CACNA1C: variants seen among roughly 807,000 people sequenced by gnomAD.
The protein encoded by CACNA1C is voltage-dependent L-type calcium channel subunit alpha-1C.
Under a neutral mutation model 229.0 loss-of-function variants are expected in CACNA1C, and 30 were observed. The observed-to-expected ratio is 0.13, with a 90% confidence interval of 0.10 to 0.18. The LOEUF (loss-of-function observed/expected upper bound fraction) is 0.18. Among genes scored for constraint, CACNA1C ranks in the 10% least tolerant of loss-of-function variants. The pLI is 1.00. For missense variants in CACNA1C, 1,658 were observed against 2,845.0 expected (o/e 0.58, Z 9.49); for synonymous variants, 1,114 against 1,132.5 (o/e 0.98, Z 0.33).
In CACNA1C at chr12:2,504,754, G is replaced by A. The variant is rs1037718283; in HGVS notation, c.1114-88G>A. ...GAGGGTCCCCGGATCCTGGCGCTGC[G>A]TGGGTCAGTGTCTCGGGAGCCGGGG... is the stretch of plus-strand genomic sequence containing the variant. On this transcript the variant is annotated intron_variant, in intron 7 of 46. Transcript: ENST00000399655. This position sits in a 1 kb window ranked among gnomAD's most constrained non-coding sequence, Gnocchi z 6.8. 2.7e-5 allele frequency: 23 copies of A among 853,780 alleles called. No homozygotes were observed. The highest frequency in any genetic ancestry group is 2.8e-4 in the Middle Eastern group (1 of 3,634). The allele number at this position is 853,780 out of a possible 1,614,324, so 52.9% of individuals were successfully genotyped here.
intron 38 of CACNA1C, among the ~76,000 whole-genome samples, chr12:2,671,459 A>G (rs1569173884): frequency 1.3e-5 from 2 of 152,158 alleles, no homozygotes; most frequent in Non-Finnish European, 2.9e-5. Flanking sequence ...TACTTTCCAA[A>G]TGTTCTGCAA....
intron 1 of CACNA1C, among the ~76,000 whole-genome samples, chr12:2,025,351 A>G (rs2047136646): frequency 6.6e-6 from 1 of 152,106 alleles, no homozygotes; most frequent in African/African-American, 2.4e-5. Flanking sequence ...GCCCCCTGCC[A>G]TGGTTGACAT....
intron 1 of CACNA1C, among the ~76,000 whole-genome samples, chr12:1,983,415 C>T (rs1472283023): frequency 6.6e-6 from 1 of 151,962 alleles, no homozygotes; most frequent in Admixed American, 6.5e-5. Context: ...TTGGTTGCAA[C>T]TGAAATATTA....
chr12:2,110,266 G>A (rs1031572452), intron 1 of CACNA1C, among the ~76,000 whole-genome samples: 1 of 152,216 alleles, frequency 6.6e-6, no homozygotes, highest in Admixed American at 6.5e-5. Flanking sequence ...GCAGGAGGAG[G>A]ACGCAGATGC....
intron 3 of CACNA1C, among the ~76,000 whole-genome samples, chr12:2,205,410 A>G (rs1206122352): frequency 6.6e-6 from 1 of 152,178 alleles, no homozygotes; most frequent in Admixed American, 6.5e-5. Context: ...GGGTCTCATT[A>G]TGTGTCACTT....
intron 3 of CACNA1C, among the ~76,000 whole-genome samples, chr12:2,433,882 G>A (rs529991906): frequency 6.6e-6 from 1 of 152,204 alleles, no homozygotes; most frequent in Middle Eastern, 3.4e-3. Flanking sequence ...AGACAATTTG[G>A]GGCAGTACAT....
intron 3 of CACNA1C, among the ~76,000 whole-genome samples, chr12:2,316,729 C>T (rs2095709986): frequency 6.6e-6 from 1 of 152,168 alleles, no homozygotes; most frequent in Admixed American, 6.5e-5. Context: ...CAGAAAACTC[C>T]CAAGTATCTG....
At chr12:2,528,316 T>C (rs893889853) in intron 9 of CACNA1C, among the ~76,000 whole-genome samples, 2 of 152,224 alleles carry the variant, frequency 1.3e-5, no homozygotes, top group Non-Finnish European at 2.9e-5. Context: ...TAGTTCTCAG[T>C]TGACACACGT....
intron 3 of CACNA1C, among the ~76,000 whole-genome samples, chr12:2,368,556 G>A (rs1267999830): frequency 6.6e-6 from 1 of 152,124 alleles, no homozygotes; most frequent in Admixed American, 6.5e-5. Flanking sequence ...TGTGCTTAGG[G>A]AAAATATTCT....
rs372816950 is a variant in CACNA1C, at chr12:2,251,502, G to A, written c.477+131072G>A. Among the ~76,000 whole-genome samples, 58 of 152,314 alleles carry A rather than the reference G, an allele frequency of 3.8e-4. No homozygotes were observed. The South Asian group carries it at 0.011, about 30-fold the overall frequency. On this transcript the variant is annotated intron_variant, in intron 3 of 46. Transcript: ENST00000399655. ...TTGAGGTAGGTCAGGGAGGCCGCAG[G>A]TGCTTATCTAAGTGGCACTGCCACA...
At chr12:2,164,364 G>C (rs1215367717) in intron 3 of CACNA1C, among the ~76,000 whole-genome samples, 1 of 152,250 alleles carries the variant, frequency 6.6e-6, no homozygotes, top group East Asian at 1.9e-4. Flanking sequence ...GGAACCCAGA[G>C]ACCAGGTTTT....
intron 1 of CACNA1C, among the ~76,000 whole-genome samples, chr12:2,071,910 G>A (rs556438991): frequency 6.6e-6 from 1 of 152,212 alleles, no homozygotes; most frequent in African/African-American, 2.4e-5. Context: ...CTCTGAGCAT[G>A]GCCTGCCATA....
intron 9 of CACNA1C, among the ~76,000 whole-genome samples, chr12:2,537,944 G>A (rs1431684715): frequency 6.6e-6 from 1 of 152,112 alleles, no homozygotes; most frequent in Non-Finnish European, 1.5e-5. Flanking sequence ...GTTGGGTGCA[G>A]CTAAACTTAC....
intron 4 of CACNA1C, among the ~76,000 whole-genome samples, chr12:2,450,578 A>AG (rs2099360187): frequency 6.7e-6 from 1 of 149,708 alleles, no homozygotes; most frequent in Non-Finnish European, 1.5e-5. Flanking sequence ...AAAAAAAAAA[A>AG]CGCAGGTGAT....
intron 3 of CACNA1C, among the ~76,000 whole-genome samples, chr12:2,177,630 C>CCTTCTT (rs1566165452): frequency 1.3e-4 from 9 of 70,696 alleles, no homozygotes; most frequent in Non-Finnish European, 2.9e-5. Flanking sequence ...CCTTCCTTCT[C>CCTTCTT]TCTCTCTTTC....
intron 3 of CACNA1C, among the ~76,000 whole-genome samples, chr12:2,268,750 CGGGAGA>C (rs2083464863): frequency 6.6e-6 from 1 of 152,116 alleles, no homozygotes; most frequent in Non-Finnish European, 1.5e-5. Context: ...GGAGGTTCCC[CGGGAGA>C]CTGTGGCTAG....
chr12:2,692,237 T>C lies in CACNA1C; in HGVS notation c.*1038T>C, dbSNP rs1258815730. 6.6e-6 allele frequency: 1 copy of C among 152,272 alleles called. No homozygotes were observed. Among genetic ancestry groups the C allele is most frequent in the African/African-American group, 2.4e-5 (1 of 41,470 alleles). The allele number at this position is 152,272 out of a possible 1,614,324, so 9.4% of individuals were successfully genotyped here. On this transcript the variant is annotated 3_prime_UTR_variant, in exon 47 of 47. Transcript: ENST00000399655. ...TTTGTTCTGGTTTGGTTCGGTTATC[T>C]AATGGAAAGGTAACTGGCAATGCAC... is the stretch of plus-strand genomic sequence containing the variant.
intron 1 of CACNA1C, among the ~76,000 whole-genome samples, chr12:2,089,477 T>C (rs2069284783): frequency 1.3e-5 from 2 of 152,102 alleles, no homozygotes; most frequent in African/African-American, 2.4e-5. Context: ...CAAGATCTCT[T>C]GGGGGAGACA....
chr12:2,581,485 A>G, intron 13 of CACNA1C, 105 bp from the exon 14 acceptor site: 6 of 1,023,150 alleles, frequency 5.9e-6, no homozygotes, highest in South Asian at 3.6e-5. Flanking sequence ...AAGAGCATAG[A>G]GTGGCAGCTC....
Sources: allele counts gnomAD v4.1 joint callset (sites outside exome capture counted in the v4.1 genomes callset), GRCh38; gene constraint gnomAD v4.1.1; non-coding constraint Gnocchi (gnomAD v3.1); transcripts MANE v1.5; gene names NCBI Gene and HGNC (gene_info 2026-07-23, HGNC 2026-07-21).